Variants in FMN2 observed in about 807,000 individuals in gnomAD.
FMN2 encodes the protein formin-2.
FMN2 carries 51 observed loss-of-function variants against 142.3 expected under a neutral mutation model. The ratio of observed to expected loss-of-function variants is 0.36; its 90% CI spans 0.29 to 0.45. The LOEUF is 0.45. FMN2 is among the 20% of genes least tolerant of loss of function. The probability of loss-of-function intolerance (pLI) is 1.00; values close to 1 mark genes in which losing one functional copy is unlikely to be tolerated. For synonymous variants in FMN2, 882 were observed against 869.8 expected (o/e 1.01, Z -0.25); for missense variants, 1,936 against 2,122.8 (o/e 0.91, Z 1.73).
At chr1:240,121,932 C>T (rs573499975) in intron 1 of FMN2, among the ~76,000 whole-genome samples, 46 of 151,720 alleles carry the variant, frequency 3.0e-4, no homozygotes, top group African/African-American at 1.0e-3. Context: ...TCTCTGTCCC[C>T]GCCATGATGG....
intron 6 of FMN2, among the ~76,000 whole-genome samples, chr1:240,243,608 G>A (rs909372181): frequency 6.6e-6 from 1 of 152,160 alleles, no homozygotes; most frequent in Non-Finnish European, 1.5e-5. Context: ...CCTGGCATTT[G>A]CAAGACATTT....
chr1:240,157,646 A>G (rs1305570739), intron 2 of FMN2, among the ~76,000 whole-genome samples: 1 of 152,174 alleles, frequency 6.6e-6, no homozygotes, highest in Non-Finnish European at 1.5e-5. Context: ...AATATTAACT[A>G]TAGTAACTGT....
At chr1:240,296,981 A>G (rs886641583) in intron 8 of FMN2, among the ~76,000 whole-genome samples, 8 of 152,204 alleles carry the variant, frequency 5.3e-5, no homozygotes, top group African/African-American at 1.9e-4. Flanking sequence ...TGGGAGGTAC[A>G]GAGAGTTTTC....
rs543075156 is a variant in FMN2 at position 240,211,004 on chromosome 1, T to C, written c.3921-87T>C. On this transcript the variant is annotated intron_variant, in intron 5 of 17. Transcript: ENST00000319653. ...CCTCCTTCCCTCCTGCTGGCCTTCC[T>C]CCCTCCCCTTCTTCCTTTCTATTTA... The C allele has an allele frequency of 6.5e-5, 84 of 1,292,644 alleles. No homozygotes were observed. The African/African-American group carries it at 1.2e-3, about 18-fold the overall frequency. The allele number at this position is 1,292,644 out of a possible 1,614,324, so 80.1% of individuals were successfully genotyped here. A position where few individuals can be genotyped will look rare whatever the true frequency, so the allele number is the denominator to read the frequency against.
intron 1 of FMN2, among the ~76,000 whole-genome samples, chr1:240,109,879 G>A (rs1428613309): frequency 6.6e-6 from 1 of 152,010 alleles, no homozygotes; most frequent in African/African-American, 2.4e-5. Context: ...ATTATTATTA[G>A]TTAAGGGCAG....
chr1:240,450,986 C>T (rs10926266), intron 16 of FMN2, among the ~76,000 whole-genome samples: 58,645 of 152,118 alleles, frequency 0.39, 12,355 homozygotes, highest in Admixed American at 0.46. Flanking sequence ...TGCTACTGTA[C>T]GGTCAGAAAG....
At chr1:240,467,707 T>G (rs1032559166) in intron 16 of FMN2, among the ~76,000 whole-genome samples, 6 of 152,256 alleles carry the variant, frequency 3.9e-5, no homozygotes, top group African/African-American at 1.4e-4. Flanking sequence ...TCACTGTTTC[T>G]GAGCATTGCT....
chr1:240,194,620 C>T (rs192253872), intron 4 of FMN2, among the ~76,000 whole-genome samples: 14 of 152,288 alleles, frequency 9.2e-5, no homozygotes, highest in Admixed American at 2.6e-4. Context: ...GTCTGTCCTC[C>T]GCCAGAGACT....
At chr1:240,276,824 G>A (rs1000091685) in intron 7 of FMN2, among the ~76,000 whole-genome samples, 19 of 152,172 alleles carry the variant, frequency 1.2e-4, no homozygotes, top group African/African-American at 3.4e-4. Flanking sequence ...TGGCAAGGAC[G>A]AAGAGAGATG....
intron 1 of FMN2, among the ~76,000 whole-genome samples, chr1:240,117,298 T>C (rs1662062762): frequency 6.6e-6 from 1 of 152,184 alleles, no homozygotes; most frequent in African/African-American, 2.4e-5. Context: ...AAACATTGTA[T>C]TGGAGTGGAA....
intron 7 of FMN2, among the ~76,000 whole-genome samples, chr1:240,275,056 A>C (rs1412133449): frequency 6.7e-6 from 1 of 149,636 alleles, no homozygotes; most frequent in East Asian, 2.0e-4. Flanking sequence ...AATTGGGGTC[A>C]AGAAAGGGTG....
intron 15 of FMN2, among the ~76,000 whole-genome samples, chr1:240,424,373 A>G (rs1332741722): frequency 6.6e-6 from 1 of 152,186 alleles, no homozygotes; most frequent in Non-Finnish European, 1.5e-5. Context: ...GTAAGGAGAA[A>G]TGGGTAAGGG....
At chr1:240,120,391 A>G (rs969620862) in intron 1 of FMN2, among the ~76,000 whole-genome samples, 1 of 152,218 alleles carries the variant, frequency 6.6e-6, no homozygotes, top group Non-Finnish European at 1.5e-5. Context: ...CATAAAGCCT[A>G]AGATACTTAC....
rs1174254349 is a variant in FMN2 at position 240,207,428 on chromosome 1, C to T, written c.2616C>T (p.Gly872=). ...PCTESSSSMP[G]LGMVPPPPPP... is the part of the protein sequence containing the mutation. ...CAGAGTCCTCCAGCTCCATGCCTGG[C>T]CTGGGCATGGTGCCTCCCCCACCTC... The change falls in exon 5 of 18, where the codon GGC becomes GGT. Residue 872 remains glycine, a synonymous_variant. Transcript: ENST00000319653. 6.2e-7 allele frequency: 1 copy of T among 1,613,784 alleles called. No homozygotes were observed. Among genetic ancestry groups the T allele is most frequent in the Admixed American group, 1.7e-5 (1 of 60,000 alleles).
chr1:240,447,185 A>C (rs1675851044), intron 16 of FMN2, among the ~76,000 whole-genome samples: 1 of 152,140 alleles, frequency 6.6e-6, no homozygotes, highest in African/African-American at 2.4e-5. Context: ...TAAGGTTTAG[A>C]AGCAGCTGTA....
At chr1:240,376,295 T>C (rs1346828554) in intron 14 of FMN2, among the ~76,000 whole-genome samples, 3 of 152,168 alleles carry the variant, frequency 2.0e-5, no homozygotes, top group East Asian at 3.8e-4. Context: ...TGGCTTTTAA[T>C]TGGGGACATT....
At chr1:240,122,346 C>G (rs1662315242) in intron 1 of FMN2, among the ~76,000 whole-genome samples, 1 of 151,972 alleles carries the variant, frequency 6.6e-6, no homozygotes, top group Non-Finnish European at 1.5e-5. Context: ...TCACTGCAAC[C>G]TCCGCCACCC....
At chr1:240,320,723 T>C (rs1386251988) in intron 8 of FMN2, among the ~76,000 whole-genome samples, 1 of 152,190 alleles carries the variant, frequency 6.6e-6, no homozygotes, top group East Asian at 1.9e-4. Flanking sequence ...TTACCGAACA[T>C]TAGTTCTCAG....
At chr1:240,181,370 T>G (rs942225682) in intron 3 of FMN2, among the ~76,000 whole-genome samples, 1 of 152,310 alleles carries the variant, frequency 6.6e-6, no homozygotes, top group South Asian at 2.1e-4. Context: ...TGTGGTACTC[T>G]GTCTTCTGCC....
Sources: gnomAD v4.1 joint callset for allele counts (sites outside exome capture counted in the v4.1 genomes callset) on GRCh38, gnomAD v4.1.1 for gene constraint, MANE v1.5 for transcripts, NCBI Gene and HGNC (gene_info 2026-07-23, HGNC 2026-07-21) for gene names.